WWOX: variants seen among roughly 807,000 people sequenced by gnomAD.
The protein encoded by WWOX is WW domain containing oxidoreductase.
Under a neutral mutation model 46.2 loss-of-function variants are expected in WWOX, and 69 were observed. The observed-to-expected ratio is 1.49, with a 90% confidence interval of 1.23 to 1.82. WWOX has a LOEUF of 1.82. Among genes scored for constraint, WWOX ranks in the 40% most tolerant of loss-of-function variants. The probability of loss-of-function intolerance (pLI) is 0.00; values close to 1 mark genes in which losing one functional copy is unlikely to be tolerated. For missense variants in WWOX, 919 were observed against 542.6 expected, an observed-to-expected ratio of 1.69 and a Z score of -6.89; for synonymous variants, 359 against 202.6, an observed-to-expected ratio of 1.77 and a Z score of -6.56.
Position 78,229,529 on chromosome 16 carries a change from T to TAA in WWOX, c.516+65241_516+65242insAA, listed in dbSNP as rs1366131103. ...ATCTATATAGAGATATATATATATA[T>TAA]ATAAAATAATGAATGAAATGGACTG... On this transcript the variant is annotated intron_variant, in intron 5 of 8. Transcript: ENST00000566780. Among the ~76,000 whole-genome samples the TAA allele has an allele frequency of 6.7e-5, 10 of 148,462 alleles. 1 individual carries two copies. Among genetic ancestry groups the TAA allele is most frequent in the African/African-American group, 2.0e-4 (8 of 40,778 alleles).
At chr16:78,438,275 C>T (rs1022502948) in intron 8 of WWOX, among the ~76,000 whole-genome samples, 11 of 152,102 alleles carry the variant, frequency 7.2e-5, no homozygotes, top group African/African-American at 1.9e-4. Flanking sequence ...CCTCATGCAG[C>T]GTGTTCAAGA....
At chr16:78,586,268 G>T (rs964246954) in intron 8 of WWOX, among the ~76,000 whole-genome samples, 5 of 152,154 alleles carry the variant, frequency 3.3e-5, no homozygotes, top group African/African-American at 7.2e-5. Flanking sequence ...CTGCATTTCA[G>T]CCTGGGTGAC....
intron 5 of WWOX, chr16:78,355,747 A>G (rs956836007): frequency 4.2e-6 from 3 of 709,002 alleles, no homozygotes; most frequent in Admixed American, 3.8e-5. Flanking sequence ...ATGAAGAGAC[A>G]TATGAATCAA....
intron 3 of WWOX, among the ~76,000 whole-genome samples, chr16:78,111,337 A>G (rs1317565688): frequency 6.6e-6 from 1 of 152,228 alleles, no homozygotes; most frequent in Non-Finnish European, 1.5e-5. Context: ...TCATTACTAT[A>G]AACACTATTA....
At chr16:78,430,244 A>G (rs2083183147) in intron 7 of WWOX, among the ~76,000 whole-genome samples, 1 of 152,138 alleles carries the variant, frequency 6.6e-6, no homozygotes, top group African/African-American at 2.4e-5. Context: ...TATGGGAGAA[A>G]GCACCCCCAT....
intron 8 of WWOX, among the ~76,000 whole-genome samples, chr16:78,542,374 G>C (rs886901220): frequency 2.6e-5 from 4 of 152,170 alleles, no homozygotes; most frequent in African/African-American, 9.7e-5. Context: ...TTAGGAGAGA[G>C]AGGCAATCAG....
At chr16:79,199,740 G>A (rs1418874655) in intron 8 of WWOX, among the ~76,000 whole-genome samples, 1 of 152,132 alleles carries the variant, frequency 6.6e-6, no homozygotes, top group African/African-American at 2.4e-5. Flanking sequence ...ACTGGTAGAG[G>A]ACAGATTTTC....
At chr16:78,541,241 G>A (rs901655465) in intron 8 of WWOX, among the ~76,000 whole-genome samples, 2 of 151,606 alleles carry the variant, frequency 1.3e-5, no homozygotes, top group Admixed American at 6.6e-5. Flanking sequence ...CTGGGAGGCC[G>A]AGGCGGGCGG....
chr16:78,841,172 C>G (rs973312482), intron 8 of WWOX, among the ~76,000 whole-genome samples: 25 of 152,300 alleles, frequency 1.6e-4, no homozygotes, highest in Middle Eastern at 3.4e-3. Flanking sequence ...TGCACTGGGT[C>G]TTCCAGAAAT....
At chr16:78,226,380 A>G (rs1015401988) in intron 5 of WWOX, among the ~76,000 whole-genome samples, 6 of 151,834 alleles carry the variant, frequency 4.0e-5, no homozygotes. Flanking sequence ...TGGCAGAAAA[A>G]CTTTAATGAT....
chr16:78,704,000 G>A (rs2048280407), intron 8 of WWOX, among the ~76,000 whole-genome samples: 1 of 152,098 alleles, frequency 6.6e-6, no homozygotes, highest in Non-Finnish European at 1.5e-5. Context: ...TGGCATAAAA[G>A]GGCATTCCTG....
intron 5 of WWOX, among the ~76,000 whole-genome samples, chr16:78,358,133 C>A (rs997258749): frequency 1.3e-5 from 2 of 152,122 alleles, no homozygotes; most frequent in African/African-American, 4.8e-5. Flanking sequence ...TGTTTAATAA[C>A]ACAGAGAAAT....
intron 8 of WWOX, among the ~76,000 whole-genome samples, chr16:78,761,541 C>G (rs187737626): frequency 6.6e-6 from 1 of 152,026 alleles, no homozygotes; most frequent in Non-Finnish European, 1.5e-5. Context: ...CTGATAGTTT[C>G]CCTGTGGTTT....
intron 8 of WWOX, among the ~76,000 whole-genome samples, chr16:78,869,986 G>A (rs1218481641): frequency 1.3e-5 from 2 of 152,198 alleles, no homozygotes; most frequent in South Asian, 2.1e-4. Context: ...GAAGCTGAAT[G>A]ACACAGATCA....
intron 8 of WWOX, among the ~76,000 whole-genome samples, chr16:79,068,831 A>AT (rs2048492372): frequency 8.7e-6 from 1 of 115,340 alleles, no homozygotes; most frequent in Admixed American, 8.0e-5. Context: ...AATAATAATA[A>AT]TAATAATAAT....
chr16:79,132,954 G>C (rs75667747), intron 8 of WWOX, among the ~76,000 whole-genome samples: 1 of 152,150 alleles, frequency 6.6e-6, no homozygotes, highest in Non-Finnish European at 1.5e-5. Context: ...TCGCCTCCTC[G>C]ATCTTGCCTG....
rs112123364 is a variant in WWOX at position 79,001,091 on chromosome 16, A to G, written c.1057-210517A>G. Among the ~76,000 whole-genome samples the G allele has an allele frequency of 7.3e-3, 1,110 of 152,350 alleles. 14 individuals are homozygous for G. The highest frequency in any genetic ancestry group is 0.023 in the African/African-American group (976 of 41,580). On this transcript the variant is annotated intron_variant, in intron 8 of 8. Transcript: ENST00000566780. ...TTAATCTGCAGGAGAAAGAAGGGCA[A>G]GGTACTATGAACTTTAATTAAACAC...
chr16:78,418,745 C>G (rs2082857506), intron 6 of WWOX, among the ~76,000 whole-genome samples: 1 of 152,142 alleles, frequency 6.6e-6, no homozygotes, highest in African/African-American at 2.4e-5. Flanking sequence ...GTCCAGCACG[C>G]TTTCTTGATG....
chr16:78,823,831 A>G (rs1054708660), intron 8 of WWOX, among the ~76,000 whole-genome samples: 4 of 151,614 alleles, frequency 2.6e-5, no homozygotes, highest in Non-Finnish European at 5.9e-5. Flanking sequence ...GCTAGAGTAC[A>G]ATGGTATGAT....
Sources: gnomAD v4.1 joint callset for allele counts (sites outside exome capture counted in the v4.1 genomes callset) on GRCh38, gnomAD v4.1.1 for gene constraint, MANE v1.5 for transcripts, NCBI Gene and HGNC (gene_info 2026-07-23, HGNC 2026-07-21) for gene names.